Variants in PTPRD observed in about 807,000 individuals in gnomAD.
The protein encoded by PTPRD is receptor-type tyrosine-protein phosphatase delta.
PTPRD carries 34 observed loss-of-function variants against 214.5 expected under a neutral mutation model. The ratio of observed to expected loss-of-function variants is 0.16; its 90% CI spans 0.12 to 0.21. The LOEUF (loss-of-function observed/expected upper bound fraction) is 0.21, where lower values mean the gene tolerates loss of function less well. Among genes scored for constraint, PTPRD ranks in the 10% least tolerant of loss-of-function variants. The pLI is 1.00. For synonymous variants in PTPRD, 1,128 were observed against 845.7 expected (o/e 1.33, Z -5.79); for missense variants, 2,545 against 2,398.7 (o/e 1.06, Z -1.27).
intron 3 of PTPRD, among the ~76,000 whole-genome samples, chr9:10,125,883 G>A (rs2098815549): frequency 6.6e-6 from 1 of 152,066 alleles, no homozygotes; most frequent in African/African-American, 2.4e-5. Context: ...GGTCAATATA[G>A]ATATAGCATG....
chr9:10,132,060 T>C (rs2098894274), intron 3 of PTPRD, among the ~76,000 whole-genome samples: 1 of 152,062 alleles, frequency 6.6e-6, no homozygotes, highest in African/African-American at 2.4e-5. Flanking sequence ...ATAGAGTAAA[T>C]AAAAAATATT....
intron 9 of PTPRD, among the ~76,000 whole-genome samples, chr9:9,325,467 G>A (rs1173877240): frequency 6.6e-6 from 1 of 152,086 alleles, no homozygotes; most frequent in East Asian, 1.9e-4. Context: ...GTGAATGAGA[G>A]GTCACTCATT....
intron 9 of PTPRD, among the ~76,000 whole-genome samples, chr9:9,340,293 T>C (rs966309501): frequency 3.9e-5 from 6 of 152,206 alleles, no homozygotes; most frequent in Non-Finnish European, 8.8e-5. Context: ...ATATAAGATA[T>C]GGAATGAAAT....
intron 8 of PTPRD, among the ~76,000 whole-genome samples, chr9:9,443,606 A>G (rs1248565738): frequency 6.6e-6 from 1 of 152,188 alleles, no homozygotes; most frequent in African/African-American, 2.4e-5. Flanking sequence ...TACTTGTCAG[A>G]AAGATCGCTT....
chr9:9,657,926 A>G (rs2096552509), intron 7 of PTPRD, among the ~76,000 whole-genome samples: 1 of 152,178 alleles, frequency 6.6e-6, no homozygotes, highest in African/African-American at 2.4e-5. Flanking sequence ...ATGGGTCCCA[A>G]TGGCCCTTAC....
rs534619125 is a variant in PTPRD at position 9,698,746 on chromosome 9, T to G, written c.-287+35787A>C. Among the ~76,000 whole-genome samples the G allele has an allele frequency of 3.9e-5, 6 of 152,292 alleles. No homozygotes were observed. The East Asian group carries it at 1.2e-3, about 29-fold the overall frequency. On this transcript the variant is annotated intron_variant, in intron 7 of 45. Transcript: ENST00000381196. Reference sequence around the variant, plus strand: ...TTGAAAAGCTGGCTGTTCAATTTGATCTCACTCTTGTAATGGAGTATCCAT... The same window carrying G: ...TTGAAAAGCTGGCTGTTCAATTTGAGCTCACTCTTGTAATGGAGTATCCAT...
intron 9 of PTPRD, among the ~76,000 whole-genome samples, chr9:9,380,731 T>C (rs1194847444): frequency 2.0e-5 from 3 of 152,142 alleles, no homozygotes; most frequent in Admixed American, 2.0e-4. Flanking sequence ...CACTATGTAC[T>C]TGCCGTTTTT....
intron 11 of PTPRD, among the ~76,000 whole-genome samples, chr9:8,854,285 G>T (rs1043304553): frequency 2.0e-5 from 3 of 152,090 alleles, no homozygotes; most frequent in African/African-American, 7.2e-5. Context: ...TATACTGCCT[G>T]CAAATACACA....
rs753775553 is a variant in PTPRD at position 8,500,757 on chromosome 9, C to T, written c.2125G>A (p.Asp709Asn). ...SLSVLIRTNEDVPSGPPRKVE... is the reference protein window; with the variant it reads ...SLSVLIRTNENVPSGPPRKVE... ...TGACGTAGCGGAGGCAACATACCAT[C>T]TTCATTGGTTCGAATCAACACGGAC... Residue 709 changes from aspartate (D) to asparagine (N), a missense_variant, in exon 24 of 46, where the codon GAT becomes AAT. By Grantham distance (23) the Asp-to-Asn change is conservative. Transcript: ENST00000381196. 1 of 1,613,904 alleles carries T rather than the reference C, an allele frequency of 6.2e-7. No individual in the cohort carries two copies. The highest frequency in any genetic ancestry group is 8.5e-7 in the Non-Finnish European group (1 of 1,179,882).
chr9:8,572,728 A>G (rs1368028891), intron 14 of PTPRD, among the ~76,000 whole-genome samples: 1 of 151,978 alleles, frequency 6.6e-6, no homozygotes, highest in African/African-American at 2.4e-5. Context: ...GTTACTCCTT[A>G]ACTTGAAAAA....
At chr9:9,827,064 A>G (rs1022762043) in intron 5 of PTPRD, among the ~76,000 whole-genome samples, 1 of 152,160 alleles carries the variant, frequency 6.6e-6, no homozygotes, top group Non-Finnish European at 1.5e-5. Context: ...ATATCGTGAA[A>G]ATGGCCATAC....
At chr9:9,268,080 G>C (rs556466918) in intron 9 of PTPRD, among the ~76,000 whole-genome samples, 1 of 150,796 alleles carries the variant, frequency 6.6e-6, no homozygotes, top group African/African-American at 2.4e-5. Context: ...AGAAAAAATT[G>C]TCTCTGTTTT....
At chr9:8,500,357 T>C (rs980976390) in intron 24 of PTPRD, among the ~76,000 whole-genome samples, 3 of 151,424 alleles carry the variant, frequency 2.0e-5, no homozygotes, top group African/African-American at 4.8e-5. Context: ...CTCTGAAATA[T>C]GTAAGACAAA....
chr9:8,516,111 T>C (rs181421947), intron 21 of PTPRD, among the ~76,000 whole-genome samples: 1 of 152,336 alleles, frequency 6.6e-6, no homozygotes, highest in Admixed American at 6.5e-5. Flanking sequence ...TTAATTGTTA[T>C]GTAGCTGCTA....
At chr9:9,872,418 A>G (rs2065715101) in intron 5 of PTPRD, among the ~76,000 whole-genome samples, 1 of 151,854 alleles carries the variant, frequency 6.6e-6, no homozygotes, top group Admixed American at 6.6e-5. Context: ...TAAGCAACAT[A>G]GTGAGACCCT....
intron 8 of PTPRD, among the ~76,000 whole-genome samples, chr9:9,461,606 T>A (rs1009751435): frequency 4.6e-5 from 7 of 152,022 alleles, no homozygotes; most frequent in Non-Finnish European, 1.0e-4. Context: ...GAGCTAGGGG[T>A]CTATTCAGGA....
chr9:10,056,110 C>A (rs2097641483), intron 3 of PTPRD, among the ~76,000 whole-genome samples: 1 of 151,788 alleles, frequency 6.6e-6, no homozygotes, highest in African/African-American at 2.4e-5. Flanking sequence ...ACCATGAGGT[C>A]AGGAGTTTGA....
At chr9:9,764,318 C>T (rs1490264002) in intron 6 of PTPRD, among the ~76,000 whole-genome samples, 1 of 152,058 alleles carries the variant, frequency 6.6e-6, no homozygotes, top group African/African-American at 2.4e-5. Flanking sequence ...AAAATTAAAT[C>T]AAATGCATTC....
At chr9:10,548,912 G>A (rs2130984523) in intron 2 of PTPRD, among the ~76,000 whole-genome samples, 1 of 152,264 alleles carries the variant, frequency 6.6e-6, no homozygotes, top group East Asian at 1.9e-4. Flanking sequence ...ATTCTGGATA[G>A]CAACCAACTG....
Sources: allele counts gnomAD v4.1 joint callset (sites outside exome capture counted in the v4.1 genomes callset), GRCh38; gene constraint gnomAD v4.1.1; transcripts MANE v1.5; gene names NCBI Gene and HGNC (gene_info 2026-07-23, HGNC 2026-07-21).